ANKS1B: variants seen among roughly 807,000 people sequenced by gnomAD.
The protein encoded by ANKS1B is ankyrin repeat and sterile alpha motif domain containing 1B, also known as ankyrin repeat and sterile alpha motif domain-containing protein 1B.
ANKS1B carries 36 observed loss-of-function variants against 148.3 expected under a neutral mutation model. The observed-to-expected ratio is 0.24, with a 90% CI of 0.19 to 0.32. The LOEUF is 0.32. Ranked by LOEUF, ANKS1B falls within the 10% of genes least tolerant of loss-of-function variation. ANKS1B has a pLI of 1.00. For synonymous variants in ANKS1B, 542 were observed against 560.8 expected (o/e 0.97, Z 0.47); for missense variants, 1,157 against 1,542.6 (o/e 0.75, Z 4.19).
At chr12:99,407,437 T>C (rs556833390) in intron 11 of ANKS1B, among the ~76,000 whole-genome samples, 1 of 145,716 alleles carries the variant, frequency 6.9e-6, no homozygotes, top group African/African-American at 2.6e-5. Flanking sequence ...ACTGAAAGCC[T>C]TTCCTCTAAG....
intron 17 of ANKS1B, among the ~76,000 whole-genome samples, chr12:98,855,165 C>CAAAA (rs60609011): frequency 1.4e-4 from 12 of 86,724 alleles, no homozygotes; most frequent in African/African-American, 4.1e-4. Context: ...GACTCCGTCT[C>CAAAA]AAAAAAAAAA....
intron 12 of ANKS1B, among the ~76,000 whole-genome samples, chr12:99,364,532 T>C (rs1288160998): frequency 1.3e-5 from 2 of 152,240 alleles, no homozygotes. Flanking sequence ...AGTTCTCTAA[T>C]ATCATTTACT....
At chr12:99,088,133 T>C (rs2052601398) in intron 15 of ANKS1B, among the ~76,000 whole-genome samples, 1 of 152,146 alleles carries the variant, frequency 6.6e-6, no homozygotes, top group South Asian at 2.1e-4. Context: ...TGGCACTAAT[T>C]GGGAAATGGA....
chr12:99,508,621 C>G (rs1463567839), intron 9 of ANKS1B, among the ~76,000 whole-genome samples: 1 of 151,502 alleles, frequency 6.6e-6, no homozygotes, highest in African/African-American at 2.4e-5. Context: ...AACTTGGGTC[C>G]CAATATATAC....
intron 8 of ANKS1B, among the ~76,000 whole-genome samples, chr12:99,689,857 CCA>C (rs200610392): frequency 1.3e-5 from 2 of 152,110 alleles, no homozygotes; most frequent in East Asian, 3.9e-4. Flanking sequence ...TCAGAGGAGA[CCA>C]CAGTCTTAAA....
downstream of ANKS1B, among the ~76,000 whole-genome samples, chr12:98,742,420 A>T (rs3847876): frequency 0.53 from 81,275 of 151,968 alleles, 22,486 homozygotes; most frequent in Admixed American, 0.62. Context: ...TTTTAATAAT[A>T]ATTTGTAGCT....
chr12:99,195,997 A>C (rs2081342271), intron 14 of ANKS1B, among the ~76,000 whole-genome samples: 1 of 152,134 alleles, frequency 6.6e-6, no homozygotes, highest in African/African-American at 2.4e-5. Context: ...TTATGCAGCC[A>C]ATAAAAGTTA....
chr12:99,693,923 G>A (rs1005173620), intron 8 of ANKS1B, among the ~76,000 whole-genome samples: 4 of 151,516 alleles, frequency 2.6e-5, no homozygotes, highest in African/African-American at 9.7e-5. Flanking sequence ...TAGGACTACA[G>A]ATGCGTGCCA....
At chr12:98,879,935 C>T (rs1478383449) in intron 17 of ANKS1B, among the ~76,000 whole-genome samples, 2 of 152,164 alleles carry the variant, frequency 1.3e-5, no homozygotes, top group Non-Finnish European at 2.9e-5. Context: ...ATTTCCATGA[C>T]ACTTGAATAA....
At chr12:99,795,699 T>A (rs2153650189) in intron 4 of ANKS1B, among the ~76,000 whole-genome samples, 1 of 152,110 alleles carries the variant, frequency 6.6e-6, no homozygotes, top group African/African-American at 2.4e-5. Flanking sequence ...TCCCACTTTA[T>A]ACACAGGGAA....
Position 99,381,059 on chromosome 12 carries a change from AGAG to A in ANKS1B, c.1756+18569_1756+18571del, listed in dbSNP as rs138537135. On this transcript the variant is annotated intron_variant, in intron 12 of 26. Transcript: ENST00000683438. ...CAGAGATTGAAATTATGCTGCCACA[AGAG>A]GAGGAACACCTGGAAGCTGGAAGAG... Among the ~76,000 whole-genome samples the A allele has an allele frequency of 6.5e-3, 995 of 152,334 alleles. 16 individuals carry two copies. Among genetic ancestry groups the A allele is most frequent in the African/African-American group, 0.023 (950 of 41,570 alleles).
At position 99,856,014 on chromosome 12, in the gene ANKS1B, A is replaced by G. The variant is rs146900751; in HGVS notation, c.135-30625T>C. ...TCATACCTTAAGGAGCTAGAGAAAC[A>G]AGAAGCAACCAAACCAAACCCAGCA... On this transcript the variant is annotated intron_variant, in intron 1 of 26. Coordinates refer to ENST00000683438, the MANE Select transcript of ANKS1B (RefSeq NM_001352186.2). 7.9e-3 allele frequency among the ~76,000 whole-genome samples: 1,209 copies of G among 152,268 alleles called. 13 individuals carry two copies. Among genetic ancestry groups the G allele is most frequent in the African/African-American group, 0.028 (1,144 of 41,548 alleles).
At chr12:99,055,805 A>G (rs1180559890) in intron 16 of ANKS1B, among the ~76,000 whole-genome samples, 1 of 152,142 alleles carries the variant, frequency 6.6e-6, no homozygotes, top group Non-Finnish European at 1.5e-5. Flanking sequence ...ACATGGTTGG[A>G]AAGTTATTGG....
chr12:99,742,259 A>C (rs1430022930), intron 8 of ANKS1B, among the ~76,000 whole-genome samples: 1 of 152,146 alleles, frequency 6.6e-6, no homozygotes, highest in East Asian at 1.9e-4. Context: ...AAAAGAAAAA[A>C]AAAAACAGTG....
chr12:98,804,618 C>T (rs542377481), intron 20 of ANKS1B, among the ~76,000 whole-genome samples: 1 of 152,210 alleles, frequency 6.6e-6, no homozygotes, highest in South Asian at 2.1e-4. Flanking sequence ...CCAGTAAGAA[C>T]AAAAGAGTTC....
intron 9 of ANKS1B, among the ~76,000 whole-genome samples, chr12:99,557,308 T>C (rs534337545): frequency 6.6e-6 from 1 of 152,346 alleles, no homozygotes; most frequent in South Asian, 2.1e-4. Context: ...GAGATGCCAA[T>C]GGGTCATAGA....
chr12:99,443,580 A>C (rs1333368311), intron 11 of ANKS1B, 93 bp downstream of exon 11: 24 of 1,340,870 alleles, frequency 1.8e-5, no homozygotes, highest in Non-Finnish European at 2.3e-5. Context: ...ATACCACATA[A>C]AACAGTCCAG....
chr12:99,379,428 T>C (rs1279689217), intron 12 of ANKS1B, among the ~76,000 whole-genome samples: 1 of 152,206 alleles, frequency 6.6e-6, no homozygotes, highest in Non-Finnish European at 1.5e-5. Flanking sequence ...ACAATAGTAC[T>C]TACCTAGGGT....
intron 8 of ANKS1B, among the ~76,000 whole-genome samples, chr12:99,709,902 C>T (rs139614410): frequency 1.3e-5 from 2 of 152,228 alleles, no homozygotes; most frequent in African/African-American, 4.8e-5. Context: ...CCATCACTTA[C>T]CTGGGCACAG....
Sources: allele counts gnomAD v4.1 joint callset (sites outside exome capture counted in the v4.1 genomes callset), GRCh38; gene constraint gnomAD v4.1.1; transcripts MANE v1.5; gene names NCBI Gene and HGNC (gene_info 2026-07-23, HGNC 2026-07-21).